The following FBXW8 variants were observed in gnomAD, a reference collection of about 807,000 sequenced individuals.
FBXW8 encodes the protein F-box/WD repeat-containing protein 8.
Under a neutral mutation model 65.3 loss-of-function variants are expected in FBXW8, and 57 were observed. The ratio of observed to expected loss-of-function variants is 0.87; its 90% confidence interval spans 0.71 to 1.09. The LOEUF (loss-of-function observed/expected upper bound fraction) is 1.09, where lower values mean the gene tolerates loss of function less well. Ranked by LOEUF, FBXW8 falls within the 50% of genes least tolerant of loss-of-function variation. The pLI, the probability that FBXW8 is intolerant of heterozygous loss-of-function variation, is 0.00. For missense variants in FBXW8, 777 were observed against 814.8 expected, an observed-to-expected ratio of 0.95 and a Z score of 0.57; for synonymous variants, 308 against 330.2, an observed-to-expected ratio of 0.93 and a Z score of 0.73.
intron 5 of FBXW8, among the ~76,000 whole-genome samples, chr12:116,965,961 C>T (rs1347882222): frequency 6.9e-6 from 1 of 143,976 alleles, no homozygotes; most frequent in South Asian, 2.2e-4. Context: ...TGGAGTTTTG[C>T]CGTGTTGTCC....
intron 2 of FBXW8, among the ~76,000 whole-genome samples, chr12:116,938,521 A>G (rs2137329561): frequency 1.3e-5 from 2 of 152,326 alleles, no homozygotes; most frequent in East Asian, 3.9e-4. Context: ...GTTATTTAAA[A>G]TGATTTGGCA....
chr12:116,958,504 T>C (rs1592889444), intron 4 of FBXW8, among the ~76,000 whole-genome samples: 1 of 152,202 alleles, frequency 6.6e-6, no homozygotes. Flanking sequence ...TTTAAGTCAG[T>C]AGATTCATTC....
intron 2 of FBXW8, among the ~76,000 whole-genome samples, chr12:116,930,994 G>A (rs764900411): frequency 6.6e-6 from 1 of 152,128 alleles, no homozygotes; most frequent in African/African-American, 2.4e-5. Flanking sequence ...TTTTTGTAAG[G>A]ACAGGGTCTT....
intron 5 of FBXW8, among the ~76,000 whole-genome samples, chr12:116,975,015 C>T (rs1355100422): frequency 6.6e-6 from 1 of 152,106 alleles, no homozygotes; most frequent in African/African-American, 2.4e-5. Context: ...TAGTGATGGA[C>T]TATAACCTAT....
intron 5 of FBXW8, among the ~76,000 whole-genome samples, chr12:116,969,328 G>A (rs993174893): frequency 6.6e-6 from 1 of 151,820 alleles, no homozygotes; most frequent in Non-Finnish European, 1.5e-5. Flanking sequence ...GGTCTGATTC[G>A]GGTTGTTACT....
intron 2 of FBXW8, among the ~76,000 whole-genome samples, chr12:116,943,763 G>C (rs1882757439): frequency 6.6e-6 from 1 of 152,154 alleles, no homozygotes; most frequent in Non-Finnish European, 1.5e-5. Flanking sequence ...GCCTCCTATG[G>C]ACATCCCATT....
chr12:116,964,909 T>C, intron 5 of FBXW8, 55 bp downstream of exon 5: 1 of 1,523,776 alleles, frequency 6.6e-7, no homozygotes, highest in Non-Finnish European at 8.8e-7. Flanking sequence ...TTTACAAAAA[T>C]TAAGCAGCTG....
At chr12:117,016,503 A>G (rs894501555) in intron 8 of FBXW8, among the ~76,000 whole-genome samples, 2 of 152,084 alleles carry the variant, frequency 1.3e-5, no homozygotes, top group East Asian at 1.9e-4. Context: ...TTTTTTTAAT[A>G]TAGCCCAGGT....
rs1363268193 is a variant in FBXW8 at position 117,029,219 on chromosome 12, G to C, written c.*1047G>C. The C allele has an allele frequency of 6.6e-6, 1 of 152,266 alleles. No individual in the cohort carries two copies. The highest frequency in any genetic ancestry group is 1.5e-5 in the Non-Finnish European group (1 of 68,114). The allele number at this position is 152,266 out of a possible 1,614,324, so 9.4% of individuals were successfully genotyped here. On this transcript the variant is annotated 3_prime_UTR_variant, in exon 11 of 11. Coordinates refer to ENST00000652555, the MANE Select transcript of FBXW8 (RefSeq NM_153348.3). ...GATGCACAAAGATTCACACCATACA[G>C]GCCAAATTATAGAATCCCCCAACCC...
intron 8 of FBXW8, among the ~76,000 whole-genome samples, chr12:117,013,073 G>A (rs920293129): frequency 1.3e-5 from 2 of 151,982 alleles, no homozygotes; most frequent in African/African-American, 2.4e-5. Context: ...GTGAAACCCC[G>A]TCTCTACTAA....
At chr12:116,973,584 A>G (rs1884758246) in intron 5 of FBXW8, among the ~76,000 whole-genome samples, 1 of 152,250 alleles carries the variant, frequency 6.6e-6, no homozygotes, top group Non-Finnish European at 1.5e-5. Flanking sequence ...GCACAGCCTG[A>G]TCTAATCACG....
Position 116,961,673 on chromosome 12 carries a change from T to C in FBXW8, c.678-3024T>C, listed in dbSNP as rs1384122990. 6.6e-6 allele frequency among the ~76,000 whole-genome samples: 1 copy of C among 152,092 alleles called. No homozygotes were observed. The highest frequency in any genetic ancestry group is 2.4e-5 in the African/African-American group (1 of 41,410). On this transcript the variant is annotated intron_variant, in intron 4 of 10. Transcript: ENST00000652555. This position sits in a 1 kb window ranked among gnomAD's most constrained non-coding sequence, Gnocchi z 4.4. ...TATGAACAAAACCCAGACCCTGAGC[T>C]CAGAAGCTTCAGGCTGGTAGGGAGA... is the stretch of plus-strand genomic sequence containing the variant.
intron 7 of FBXW8, among the ~76,000 whole-genome samples, chr12:116,992,053 A>G (rs1042385349): frequency 5.3e-5 from 8 of 152,212 alleles, no homozygotes; most frequent in African/African-American, 1.9e-4. Flanking sequence ...GCATGTTAAA[A>G]CAGCATTACA....
intron 8 of FBXW8, among the ~76,000 whole-genome samples, chr12:117,019,629 T>C (rs566197314): frequency 5.3e-5 from 8 of 152,320 alleles, no homozygotes; most frequent in African/African-American, 1.9e-4. Flanking sequence ...TTTTTAATTA[T>C]GAAACCGAAC....
At chr12:116,912,451 CTTT>C (rs34430069) in intron 1 of FBXW8, among the ~76,000 whole-genome samples, 6 of 86,438 alleles carry the variant, frequency 6.9e-5, no homozygotes, top group Middle Eastern at 7.7e-3. Context: ...GAGAATCATT[CTTT>C]TTTTTTTTTT....
In FBXW8 at chr12:116,985,284, T is replaced by G. The variant is rs1333409929; in HGVS notation, c.914T>G (p.Leu305Arg). The change falls in exon 6 of 11, where the codon CTA becomes CGA. Residue 305 changes from leucine to arginine, a missense_variant. By Grantham distance (102) the Leu-to-Arg change is moderately radical. Transcript: ENST00000652555. ...RFEHDARIQA[L>R]ALSQDDATVA... Reference sequence around the variant, plus strand: ...GAGCACGATGCAAGAATACAGGCACTAGCCCTCAGCCAGGACGATGCAACC... The same window carrying G: ...GAGCACGATGCAAGAATACAGGCACGAGCCCTCAGCCAGGACGATGCAACC... 1 of 1,614,224 alleles carries G rather than the reference T, an allele frequency of 6.2e-7. No individual in the cohort carries two copies. Among genetic ancestry groups the G allele is most frequent in the Non-Finnish European group, 8.5e-7 (1 of 1,180,042 alleles).
intron 7 of FBXW8, among the ~76,000 whole-genome samples, chr12:117,005,109 T>C (rs920091752): frequency 1.3e-5 from 2 of 152,328 alleles, no homozygotes; most frequent in South Asian, 2.1e-4. Flanking sequence ...CTGAATAGTA[T>C]GAAGAGATCT....
intron 9 of FBXW8, 96 bp downstream of exon 9, chr12:117,024,416 A>G: frequency 6.9e-7 from 1 of 1,439,414 alleles, no homozygotes; most frequent in Non-Finnish European, 9.5e-7. Flanking sequence ...AATGCCCCCT[A>G]CCCCCCGGCT....
chr12:116,968,505 AT>A (rs1884460374), intron 5 of FBXW8, among the ~76,000 whole-genome samples: 1 of 152,238 alleles, frequency 6.6e-6, no homozygotes, highest in Non-Finnish European at 1.5e-5. Flanking sequence ...TGGTAATTCC[AT>A]TGTGTATAAG....
Sources: allele counts gnomAD v4.1 joint callset (sites outside exome capture counted in the v4.1 genomes callset), GRCh38; gene constraint gnomAD v4.1.1; non-coding constraint Gnocchi (gnomAD v3.1); transcripts MANE v1.5; gene names NCBI Gene and HGNC (gene_info 2026-07-23, HGNC 2026-07-21).